DPH6: variants seen among roughly 807,000 people sequenced by gnomAD.
DPH6 encodes diphthamine biosynthesis 6, also known as diphthine--ammonia ligase.
In DPH6, 33 loss-of-function variants were observed where a neutral mutation model predicts 38.2. The observed-to-expected ratio is 0.86, with a 90% confidence interval of 0.65 to 1.15. The LOEUF is 1.15. Ranked by LOEUF, DPH6 falls within the 50% of genes most tolerant of loss-of-function variation. The pLI is 0.00. For synonymous variants in DPH6, 108 were observed against 103.0 expected (o/e 1.05, Z -0.30); for missense variants, 325 against 320.0 (o/e 1.02, Z -0.12).
intron 3 of DPH6, among the ~76,000 whole-genome samples, chr15:35,523,345 T>C (rs73382781): frequency 0.092 from 13,923 of 150,902 alleles, 879 homozygotes; most frequent in African/African-American, 0.18. Flanking sequence ...TTTATAATAA[T>C]ATCCAAAAAT....
intron 3 of DPH6, among the ~76,000 whole-genome samples, chr15:35,251,489 C>T (rs1298584343): frequency 1.3e-5 from 2 of 152,182 alleles, no homozygotes; most frequent in East Asian, 3.8e-4. Flanking sequence ...ATTCTCTGCT[C>T]GCTTTGTGGT....
the DPH6 span, among the ~76,000 whole-genome samples, chr15:35,210,112 C>A: frequency 6.6e-6 from 1 of 152,052 alleles, no homozygotes; most frequent in Admixed American, 6.6e-5. Context: ...TATTCCACCA[C>A]GAACAAATTT....
chr15:35,483,791 T>C (rs1283988310), intron 3 of DPH6, among the ~76,000 whole-genome samples: 1 of 152,180 alleles, frequency 6.6e-6, no homozygotes, highest in Admixed American at 6.5e-5. Flanking sequence ...CAATTCAATT[T>C]TCGATTAATT....
At chr15:35,391,929 T>G (rs1407360300) in intron 6 of DPH6, among the ~76,000 whole-genome samples, 1 of 152,202 alleles carries the variant, frequency 6.6e-6, no homozygotes, top group Non-Finnish European at 1.5e-5. Context: ...GTCTTCTGCG[T>G]CGCTGATGCT....
chr15:35,316,442 C>A (rs776677821), intron 3 of DPH6, among the ~76,000 whole-genome samples: 6 of 151,980 alleles, frequency 3.9e-5, no homozygotes, highest in Admixed American at 6.6e-5. Context: ...AACTGAAAAG[C>A]AACCTGAAAC....
intron 3 of DPH6, among the ~76,000 whole-genome samples, chr15:35,527,188 A>G (rs983127498): frequency 6.6e-6 from 1 of 152,180 alleles, no homozygotes; most frequent in Non-Finnish European, 1.5e-5. Flanking sequence ...GCTGTATGCA[A>G]TGAAAAAAAA....
At position 35,352,221 on chromosome 15, in the gene DPH6, CT is replaced by C. The variant is rs558352315; in HGVS notation, n.208-21145del. On this transcript the variant is annotated intron_variant and non_coding_transcript_variant, in intron 3 of 3. Coordinates refer to the DPH6 transcript ENST00000558973. The stretch of plus-strand genomic sequence containing the variant: ...CATATGCATTTGTATTATTGCTTAG[CT>C]TTTTTTTTGTTTCAACTTTAAAACT... Among the ~76,000 whole-genome samples, 675 of 151,068 alleles carry C rather than the reference CT, an allele frequency of 4.5e-3. 8 individuals are homozygous for C. The highest frequency in any genetic ancestry group is 0.015 in the African/African-American group (637 of 41,232).
At chr15:35,159,769 A>G in the DPH6 span, among the ~76,000 whole-genome samples, 4 of 152,038 alleles carry the variant, frequency 2.6e-5, no homozygotes, top group Non-Finnish European at 5.9e-5. Context: ...CTCATCCAGC[A>G]CTATTCACAA....
chr15:35,246,434 G>C (rs546744646), intron 3 of DPH6, among the ~76,000 whole-genome samples: 1 of 152,212 alleles, frequency 6.6e-6, no homozygotes, highest in East Asian at 1.9e-4. Context: ...TGGATATTTA[G>C]TTAGTCCCCA....
chr15:35,476,675 C>G (rs2054267787), intron 3 of DPH6, among the ~76,000 whole-genome samples: 1 of 151,702 alleles, frequency 6.6e-6, no homozygotes, highest in Non-Finnish European at 1.5e-5. Flanking sequence ...AAGATCTATT[C>G]TGACATTAGT....
chr15:35,146,596 T>TCC, the DPH6 span, among the ~76,000 whole-genome samples: 2 of 152,158 alleles, frequency 1.3e-5, no homozygotes, highest in African/African-American at 4.8e-5. Context: ...ATATTTTCTG[T>TCC]CCTTTCCTTC....
chr15:35,203,681 A>T, the DPH6 span, among the ~76,000 whole-genome samples: 102 of 151,858 alleles, frequency 6.7e-4, no homozygotes, highest in Middle Eastern at 0.014. Flanking sequence ...ATGATGGAGT[A>T]TTTTAGCTAT....
chr15:35,333,518 C>A (rs1376353039), intron 3 of DPH6, among the ~76,000 whole-genome samples: 1 of 152,076 alleles, frequency 6.6e-6, no homozygotes, highest in Non-Finnish European at 1.5e-5. Context: ...TAAATGATTC[C>A]AATTACATAA....
chr15:35,172,350 T>A, the DPH6 span, among the ~76,000 whole-genome samples: 1 of 152,188 alleles, frequency 6.6e-6, no homozygotes, highest in Non-Finnish European at 1.5e-5. Flanking sequence ...TTACACTTAT[T>A]TACTGTTAAA....
At chr15:35,298,924 C>A (rs1469859529) in intron 3 of DPH6, 3 of 804,914 alleles carry the variant, frequency 3.7e-6, no homozygotes, top group Non-Finnish European at 6.7e-6. Context: ...GTGGGTGAGG[C>A]AATGGCAGCT....
At chr15:35,312,558 G>A (rs926722262) in intron 3 of DPH6, among the ~76,000 whole-genome samples, 1 of 152,094 alleles carries the variant, frequency 6.6e-6, no homozygotes, top group Non-Finnish European at 1.5e-5. Context: ...ATGGAGAGAA[G>A]TAACATTATC....
intron 3 of DPH6, among the ~76,000 whole-genome samples, chr15:35,476,417 C>A (rs985084272): frequency 6.6e-6 from 1 of 151,766 alleles, no homozygotes; most frequent in African/African-American, 2.4e-5. Context: ...AATATGGTCT[C>A]ACTTTTTATA....
the DPH6 span, among the ~76,000 whole-genome samples, chr15:35,149,165 A>C: frequency 3.5e-4 from 53 of 151,878 alleles, no homozygotes; most frequent in African/African-American, 1.2e-3. Context: ...ACACACAAAA[A>C]CCCCAAAACT....
intron 5 of DPH6, among the ~76,000 whole-genome samples, chr15:35,423,125 A>G (rs974265199): frequency 7.9e-5 from 12 of 151,914 alleles, no homozygotes; most frequent in Non-Finnish European, 1.6e-4. Flanking sequence ...AAAAATTTTG[A>G]GGAATCTCCA....
Sources: allele counts gnomAD v4.1 joint callset (sites outside exome capture counted in the v4.1 genomes callset), GRCh38; gene constraint gnomAD v4.1.1; transcripts MANE v1.5; gene names NCBI Gene and HGNC (gene_info 2026-07-23, HGNC 2026-07-21).